The following NDUFB6 variants were observed in gnomAD, a reference collection of about 807,000 sequenced individuals.
The protein encoded by NDUFB6 is NADH dehydrogenase [ubiquinone] 1 beta subcomplex subunit 6.
NDUFB6 carries 23 observed loss-of-function variants against 17.5 expected under a neutral mutation model. The observed-to-expected ratio is 1.31, with a 90% CI of 0.94 to 1.86. The LOEUF (loss-of-function observed/expected upper bound fraction) is 1.86, where lower values mean the gene tolerates loss of function less well. Ranked by LOEUF, NDUFB6 falls within the 40% of genes most tolerant of loss-of-function variation. The pLI is 0.00. For missense variants in NDUFB6, 167 were observed against 153.8 expected (o/e 1.09, Z -0.46); for synonymous variants, 60 against 53.5 (o/e 1.12, Z -0.53).
rs200723755 is a variant in NDUFB6 at position 32,571,015 on chromosome 9, G to A, written c.218C>T (p.Thr73Ile). 13 of 1,606,334 alleles carry A rather than the reference G, an allele frequency of 8.1e-6. No homozygotes were observed. The highest frequency in any genetic ancestry group is 2.3e-5 in the East Asian group (1 of 44,378). The change falls in exon 2 of 4, where the codon ACT becomes ATT. Residue 73 changes from threonine to isoleucine, a missense_variant. Thr to Ile is a moderately conservative substitution (Grantham distance 89). Coordinates refer to ENST00000379847, the MANE Select transcript of NDUFB6 (RefSeq NM_002493.5). ...GVYKKSIFVF[T>I]HVLVPVWIIH... is the part of the protein sequence containing the mutation. ...AATCCAGACAGGTACAAGTACATGA[G>A]TGAAAACAAAGATACTCTTTTTGTA...
chr9:32,572,162 G>A (rs779433081), intron 1 of NDUFB6, among the ~76,000 whole-genome samples: 7 of 152,184 alleles, frequency 4.6e-5, no homozygotes, highest in African/African-American at 9.6e-5. Flanking sequence ...ACGTAGTATT[G>A]TTACTACTAT....
At position 32,572,863 on chromosome 9, in the gene NDUFB6, G is replaced by C. The variant is rs1242409593; in HGVS notation, c.180+18C>G. 21 of 1,544,950 alleles carry C rather than the reference G, an allele frequency of 1.4e-5. No homozygotes were observed. Among genetic ancestry groups the C allele is most frequent in the African/African-American group, 2.7e-5 (2 of 72,748 alleles). On this transcript the variant is annotated intron_variant, in intron 1 of 3. Coordinates refer to ENST00000379847, the MANE Select transcript of NDUFB6 (RefSeq NM_002493.5). ...CAGTGGGATGTGTTGGGGGGGACCG[G>C]AGAGGTCTGTCACTCACCATTTTCC...
chr9:32,563,941 A>C (rs1322163093), intron 2 of NDUFB6, among the ~76,000 whole-genome samples: 1 of 152,180 alleles, frequency 6.6e-6, no homozygotes, highest in Non-Finnish European at 1.5e-5. Context: ...CTGGCACAAT[A>C]ATATGTTCCA....
chr9:32,567,258 C>T (rs1296730678), intron 2 of NDUFB6: 3 of 472,814 alleles, frequency 6.3e-6, no homozygotes, highest in East Asian at 6.9e-5. Flanking sequence ...GGCCGGGAAC[C>T]GATCCCAGAA....
rs1821983457 is a variant in NDUFB6 at position 32,573,123 on chromosome 9, A to G, written c.-63T>C. 17 of 1,445,238 alleles carry G rather than the reference A, an allele frequency of 1.2e-5. No homozygotes were observed. Among genetic ancestry groups the G allele is most frequent in the East Asian group, 7.6e-5 (3 of 39,244 alleles). 89.5% of individuals were successfully genotyped at this position (1,445,238 alleles called of 1,614,324 possible). A position where few individuals can be genotyped will look rare whatever the true frequency, so the allele number is the denominator to read the frequency against. On this transcript the variant is annotated 5_prime_UTR_variant, in exon 1 of 4. Coordinates refer to ENST00000379847, the MANE Select transcript of NDUFB6 (RefSeq NM_002493.5). ...CCTCGAACTACGGACTAGTTACTTA[A>G]GCGCGCTCCCGCTCTGCAAAGCGAC...
intron 1 of NDUFB6, among the ~76,000 whole-genome samples, chr9:32,572,193 T>C (rs1821953818): frequency 6.6e-6 from 1 of 152,238 alleles, no homozygotes; most frequent in Non-Finnish European, 1.5e-5. Flanking sequence ...TCAGTAAGTG[T>C]TGCAGGTAAC....
rs993647869 is a variant in NDUFB6 at position 32,553,887 on chromosome 9, G to C, written c.376C>G (p.Gln126Glu). ...VIPPMKEFPD[Q>E]HH is the part of the protein sequence containing the mutation. ...TTTTTACATAATCTTTAATGATGTT[G>C]ATCAGGAAATTCTTTCATTGGTGGA... Residue 126 changes from glutamine (Q) to glutamate (E), a missense_variant, in exon 4 of 4, where the codon CAA (glutamine) becomes GAA (glutamate). Transcript: ENST00000379847. 8.2e-6 allele frequency: 13 copies of C among 1,587,992 alleles called. No homozygotes were observed. Among genetic ancestry groups the C allele is most frequent in the Non-Finnish European group, 1.1e-5 (13 of 1,157,228 alleles).
intron 2 of NDUFB6, chr9:32,566,283 A>G: frequency 8.7e-7 from 1 of 1,154,724 alleles, no homozygotes; most frequent in Non-Finnish European, 1.3e-6. Flanking sequence ...TGAGGTAGAA[A>G]GCAGGCCATA....
chr9:32,571,110 G>T, intron 1 of NDUFB6, 58 bp from the exon 2 acceptor site: 1 of 1,143,744 alleles, frequency 8.7e-7, no homozygotes, highest in Non-Finnish European at 1.3e-6. Context: ...ATTTATGGCA[G>T]AACAAAAGGC....
At chr9:32,564,643 T>C (rs1821726590) in intron 2 of NDUFB6, among the ~76,000 whole-genome samples, 1 of 152,264 alleles carries the variant, frequency 6.6e-6, no homozygotes, top group South Asian at 2.1e-4. Context: ...TCCCCCAGGA[T>C]TACTGCTGTT....
At chr9:32,569,885 A>G (rs1821901986) in intron 2 of NDUFB6, among the ~76,000 whole-genome samples, 1 of 152,144 alleles carries the variant, frequency 6.6e-6, no homozygotes, top group Non-Finnish European at 1.5e-5. Context: ...CACTTATACC[A>G]CAGCACAGTG....
At chr9:32,565,335 G>T (rs189612236) in intron 2 of NDUFB6, 1 of 151,998 alleles carries the variant, frequency 6.6e-6, no homozygotes, top group African/African-American at 2.4e-5. Flanking sequence ...GTCCTTTTAT[G>T]TTCTTTATGG....
chr9:32,563,491 C>CTGTTTTTTTTTTTT (rs1554673972), intron 2 of NDUFB6, among the ~76,000 whole-genome samples: 1 of 92,002 alleles, frequency 1.1e-5, no homozygotes, highest in Non-Finnish European at 2.2e-5. Context: ...GACTATTGGG[C>CTGTTTTTTTTTTTT]TTTTTTTTTT....
At chr9:32,566,382 GT>G in intron 2 of NDUFB6, 1 of 1,073,244 alleles carries the variant, frequency 9.3e-7, no homozygotes, top group Non-Finnish European at 1.5e-6. Flanking sequence ...TTTCCACTAT[GT>G]GATCCAGGTT....
rs1176106442 is a variant in NDUFB6, at chr9:32,558,894, A to T, written c.318+16T>A. 6.7e-7 allele frequency: 1 copy of T among 1,499,238 alleles called. No homozygotes were observed. Among genetic ancestry groups the T allele is most frequent in the East Asian group, 2.3e-5 (1 of 43,754 alleles). The allele number at this position is 1,499,238 out of a possible 1,614,324, so 92.9% of individuals were successfully genotyped here. On this transcript the variant is annotated intron_variant, in intron 3 of 3. Transcript: ENST00000379847. ...AAACAATAAACAAAAGAAAAATCAGAAGTGTTAAGACTTACAGGGAATATT... is the reference window on the plus strand; with the variant it reads ...AAACAATAAACAAAAGAAAAATCAGTAGTGTTAAGACTTACAGGGAATATT...
At chr9:32,572,255 C>T (rs1821954428) in intron 1 of NDUFB6, among the ~76,000 whole-genome samples, 3 of 152,106 alleles carry the variant, frequency 2.0e-5, no homozygotes, top group African/African-American at 7.2e-5. Flanking sequence ...AAGAAAATAC[C>T]CAGAGGCCTT....
intron 1 of NDUFB6, among the ~76,000 whole-genome samples, chr9:32,571,820 G>T (rs931519026): frequency 6.6e-6 from 1 of 152,142 alleles, no homozygotes; most frequent in East Asian, 1.9e-4. Context: ...CCAATATTCC[G>T]ATAATGTCAG....
Sources: gnomAD v4.1 joint callset for allele counts (sites outside exome capture counted in the v4.1 genomes callset) on GRCh38, gnomAD v4.1.1 for gene constraint, MANE v1.5 for transcripts, NCBI Gene and HGNC (gene_info 2026-07-23, HGNC 2026-07-21) for gene names.